Variants in INPP4B observed in about 807,000 individuals in gnomAD.
INPP4B encodes inositol polyphosphate-4-phosphatase type II B.
In INPP4B, 55 loss-of-function variants were observed where a neutral mutation model predicts 122.5. The ratio of observed to expected loss-of-function variants is 0.45; its 90% CI spans 0.36 to 0.56. INPP4B has a LOEUF of 0.56. Among genes scored for constraint, INPP4B ranks in the 20% least tolerant of loss-of-function variants. INPP4B has a pLI of 0.00. For missense variants in INPP4B, 1,000 were observed against 1,097.7 expected (o/e 0.91, Z 1.26); for synonymous variants, 403 against 388.7 (o/e 1.04, Z -0.43).
chr4:142,752,102 G>A (rs75259619), intron 1 of INPP4B, among the ~76,000 whole-genome samples: 4,134 of 152,094 alleles, frequency 0.027, 77 homozygotes, highest in Middle Eastern at 0.095. Flanking sequence ...AGGCATCTAA[G>A]TTGAAATTTC....
At chr4:142,257,433 C>A (rs1176814392) in intron 11 of INPP4B, among the ~76,000 whole-genome samples, 1 of 152,154 alleles carries the variant, frequency 6.6e-6, no homozygotes, top group Admixed American at 6.5e-5. Context: ...TTGCAGATGA[C>A]ATGATTGTAT....
chr4:142,432,556 T>A (rs1809551909), intron 3 of INPP4B, among the ~76,000 whole-genome samples: 1 of 152,152 alleles, frequency 6.6e-6, no homozygotes, highest in African/African-American at 2.4e-5. Context: ...ATGTTTTGAA[T>A]TAATAATAAA....
At chr4:142,408,940 G>A (rs1055141658) in intron 5 of INPP4B, among the ~76,000 whole-genome samples, 2 of 151,966 alleles carry the variant, frequency 1.3e-5, no homozygotes, top group Admixed American at 6.6e-5. Flanking sequence ...TTGAAATGTG[G>A]GAAAAATAAT....
chr4:142,255,563 G>T (rs918786280), intron 11 of INPP4B, among the ~76,000 whole-genome samples: 9 of 152,060 alleles, frequency 5.9e-5, no homozygotes, highest in African/African-American at 2.2e-4. Flanking sequence ...CCTAGTTTCT[G>T]ATAAAACAGA....
At chr4:142,161,613 C>T (rs1455489842) in intron 16 of INPP4B, among the ~76,000 whole-genome samples, 1 of 151,838 alleles carries the variant, frequency 6.6e-6, no homozygotes, top group Non-Finnish European at 1.5e-5. Context: ...TCTCAATATG[C>T]GGTCAACAGT....
At chr4:142,063,720 T>C (rs1335297187) in intron 25 of INPP4B, among the ~76,000 whole-genome samples, 1 of 152,200 alleles carries the variant, frequency 6.6e-6, no homozygotes, top group Non-Finnish European at 1.5e-5. Flanking sequence ...AAATGGGATA[T>C]TTTTCATCTT....
chr4:142,028,807 C>T lies in INPP4B; in HGVS notation c.2750G>A (p.Gly917Glu). 6.2e-7 allele frequency: 1 copy of T among 1,611,078 alleles called. No homozygotes were observed. The highest frequency in any genetic ancestry group is 2.2e-5 in the East Asian group (1 of 44,794). ...AFPKYYRPPE[G>E]TYGKADT ...TTAGGTGTCAGCTTTTCCATAAGTCCCCTCTGGAGGTCTGTAGTACTTGGG... is the reference window on the plus strand; with the variant it reads ...TTAGGTGTCAGCTTTTCCATAAGTCTCCTCTGGAGGTCTGTAGTACTTGGG... The change falls in exon 26 of 26, where the codon GGG (glycine) becomes GAG (glutamate). Residue 917 changes from glycine (G) to glutamate (E), a missense_variant. Transcript: ENST00000262992.
intron 15 of INPP4B, among the ~76,000 whole-genome samples, chr4:142,179,561 T>TGAAAAATTATTCTAATAG (rs145763456): frequency 6.9e-6 from 1 of 143,968 alleles, no homozygotes; most frequent in Non-Finnish European, 1.5e-5. Context: ...ATTAGCTCTG[T>TGAAAAATTATTCTAATAG]GAAAAAAAAA....
At chr4:142,824,430 G>T (rs1781204231) in intron 1 of INPP4B, among the ~76,000 whole-genome samples, 1 of 151,850 alleles carries the variant, frequency 6.6e-6, no homozygotes, top group South Asian at 2.1e-4. Context: ...AAATCATCGT[G>T]GCTCTAAAAC....
At chr4:142,226,035 G>A (rs553770120) in intron 12 of INPP4B, among the ~76,000 whole-genome samples, 18 of 152,138 alleles carry the variant, frequency 1.2e-4, no homozygotes, top group African/African-American at 4.3e-4. Context: ...TTCAATGTAG[G>A]CTGAGCACAG....
intron 22 of INPP4B, among the ~76,000 whole-genome samples, chr4:142,109,824 T>C (rs1260831306): frequency 6.6e-6 from 1 of 152,140 alleles, no homozygotes; most frequent in Non-Finnish European, 1.5e-5. Context: ...TCTTTCAGGA[T>C]AGGAAGCCGA....
intron 2 of INPP4B, among the ~76,000 whole-genome samples, chr4:142,498,868 A>AT (rs2149812021): frequency 6.6e-6 from 1 of 152,280 alleles, no homozygotes; most frequent in East Asian, 1.9e-4. Context: ...TTAAAAAGGA[A>AT]TTAATTTGAA....
intron 2 of INPP4B, among the ~76,000 whole-genome samples, chr4:142,635,448 G>T (rs1185069103): frequency 6.6e-6 from 1 of 152,104 alleles, no homozygotes; most frequent in Non-Finnish European, 1.5e-5. Context: ...CAAAGACATG[G>T]AATCAACCTA....
chr4:142,729,620 C>T (rs770327299), intron 1 of INPP4B, among the ~76,000 whole-genome samples: 1 of 152,128 alleles, frequency 6.6e-6, no homozygotes, highest in Non-Finnish European at 1.5e-5. Flanking sequence ...AAAGTTGATT[C>T]TCTCCCCGTT....
At chr4:142,427,351 T>C (rs531406257) in intron 5 of INPP4B, 383 of 424,500 alleles carry the variant, frequency 9.0e-4, no homozygotes, top group African/African-American at 7.3e-3. Context: ...GATAAAATTA[T>C]CTGTTGTTGT....
At chr4:142,722,244 T>C (rs753510241) in intron 2 of INPP4B, among the ~76,000 whole-genome samples, 4 of 152,132 alleles carry the variant, frequency 2.6e-5, no homozygotes, top group Non-Finnish European at 4.4e-5. Flanking sequence ...GGAGTTGTAA[T>C]ATAATGAAGG....
chr4:142,609,887 T>C (rs1006490865), intron 2 of INPP4B, among the ~76,000 whole-genome samples: 3 of 152,172 alleles, frequency 2.0e-5, no homozygotes, highest in Non-Finnish European at 4.4e-5. Flanking sequence ...TCCTAAGAAG[T>C]AGTGAATAGA....
At chr4:142,238,502 AT>A (rs1367430055) in intron 11 of INPP4B, among the ~76,000 whole-genome samples, 1 of 152,058 alleles carries the variant, frequency 6.6e-6, no homozygotes, top group Non-Finnish European at 1.5e-5. Flanking sequence ...TCACAAACTG[AT>A]ATGTTATTTT....
chr4:142,623,156 CA>C (rs1745351409), intron 2 of INPP4B, among the ~76,000 whole-genome samples: 1 of 151,932 alleles, frequency 6.6e-6, no homozygotes, highest in African/African-American at 2.4e-5. Flanking sequence ...TTATCTATCA[CA>C]GTCGCAAATA....
Sources: gnomAD v4.1 joint callset for allele counts (sites outside exome capture counted in the v4.1 genomes callset) on GRCh38, gnomAD v4.1.1 for gene constraint, MANE v1.5 for transcripts, NCBI Gene and HGNC (gene_info 2026-07-23, HGNC 2026-07-21) for gene names.